The following PTPRR variants were observed in gnomAD, a reference collection of about 807,000 sequenced individuals.
PTPRR encodes the protein receptor-type tyrosine-protein phosphatase R.
Under a neutral mutation model 77.2 loss-of-function variants are expected in PTPRR, and 38 were observed. The observed-to-expected ratio is 0.49, with a 90% CI of 0.38 to 0.65. The LOEUF is 0.65. PTPRR is among the 30% of genes least tolerant of loss of function. The pLI is 0.00. For missense variants in PTPRR, 744 were observed against 799.2 expected (o/e 0.93, Z 0.83); for synonymous variants, 299 against 283.1 (o/e 1.06, Z -0.57).
At chr12:70,672,691 C>T (rs1490429570) in intron 10 of PTPRR, 21 of 1,544,776 alleles carry the variant, frequency 1.4e-5, no homozygotes, top group Non-Finnish European at 1.2e-5. Flanking sequence ...GACAGAGGAG[C>T]GGATAGCGTG....
intron 1 of PTPRR, among the ~76,000 whole-genome samples, chr12:70,897,026 A>C (rs1243644629): frequency 6.6e-6 from 1 of 151,876 alleles, no homozygotes; most frequent in Non-Finnish European, 1.5e-5. Flanking sequence ...CTTGTAGTAT[A>C]GTTTGAAGTC....
chr12:70,653,408 T>C (rs75713458), intron 13 of PTPRR, among the ~76,000 whole-genome samples: 4,717 of 152,304 alleles, frequency 0.031, 98 homozygotes, highest in Non-Finnish European at 0.046. Flanking sequence ...ATCTTTTTTA[T>C]GTACCAAAAG....
intron 8 of PTPRR, among the ~76,000 whole-genome samples, chr12:70,696,477 AG>A (rs1210168540): frequency 4.6e-5 from 7 of 152,158 alleles, no homozygotes; most frequent in Non-Finnish European, 1.0e-4. Flanking sequence ...GGAATCACCT[AG>A]GTGTTTGCTA....
chr12:70,777,359 T>C (rs1314859346), intron 2 of PTPRR, among the ~76,000 whole-genome samples: 1 of 152,082 alleles, frequency 6.6e-6, no homozygotes, highest in Non-Finnish European at 1.5e-5. Flanking sequence ...GTTGTTATTC[T>C]ACATTTTTTC....
At position 70,834,028 on chromosome 12, in the gene PTPRR, C is replaced by T. The variant is rs1996090; in HGVS notation, c.357+58651G>A. On this transcript the variant is annotated intron_variant, in intron 2 of 13. Coordinates refer to ENST00000283228, the MANE Select transcript of PTPRR (RefSeq NM_002849.4). ...ACATTTGTAGGGAACAGGAACTTTG[C>T]GTTTTGCCATAGATAACAGCCTCCT... Among the ~76,000 whole-genome samples the T allele has an allele frequency of 2.6e-5, 4 of 152,172 alleles. No individual in the cohort carries two copies. In the East Asian group the frequency reaches 5.8e-4, roughly 22 times the overall value.
At chr12:70,842,116 G>A (rs994408163) in intron 2 of PTPRR, among the ~76,000 whole-genome samples, 2 of 152,100 alleles carry the variant, frequency 1.3e-5, no homozygotes, top group East Asian at 1.9e-4. Flanking sequence ...ATGTACGTAT[G>A]CCCAACTGCT....
chr12:70,768,082 C>A (rs1215352603), intron 2 of PTPRR, among the ~76,000 whole-genome samples: 3 of 152,018 alleles, frequency 2.0e-5, no homozygotes, highest in Non-Finnish European at 4.4e-5. Flanking sequence ...AAAACTGACA[C>A]CCTAACATCA....
At chr12:70,650,656 A>G (rs995539419) in intron 13 of PTPRR, among the ~76,000 whole-genome samples, 2 of 152,186 alleles carry the variant, frequency 1.3e-5, no homozygotes, top group Non-Finnish European at 2.9e-5. Flanking sequence ...ATTCATGCTC[A>G]GTAGCAGATG....
At chr12:70,684,531 T>C (rs371805377) in intron 9 of PTPRR, among the ~76,000 whole-genome samples, 173 bp downstream of exon 9, 10 of 152,056 alleles carry the variant, frequency 6.6e-5, no homozygotes, top group Non-Finnish European at 4.4e-5. Context: ...AGGAAAGTCA[T>C]CATAAAAGAC....
chr12:70,894,462 ATTATT>A (rs1410982201), intron 1 of PTPRR, among the ~76,000 whole-genome samples: 4 of 151,716 alleles, frequency 2.6e-5, no homozygotes, highest in Non-Finnish European at 5.9e-5. Flanking sequence ...AAAGTAGTAT[ATTATT>A]TTATTTCTTA....
intron 2 of PTPRR, among the ~76,000 whole-genome samples, chr12:70,799,854 C>G (rs748961522): frequency 7.2e-5 from 11 of 152,200 alleles, no homozygotes; most frequent in Non-Finnish European, 1.3e-4. Flanking sequence ...GGGGCAGAAT[C>G]TCAGAGAGAG....
At chr12:70,886,684 A>G (rs2137110895) in intron 2 of PTPRR, among the ~76,000 whole-genome samples, 1 of 152,244 alleles carries the variant, frequency 6.6e-6, no homozygotes, top group East Asian at 1.9e-4. Context: ...ACGAGATCAT[A>G]TAATGGGTAA....
At position 70,739,366 on chromosome 12, in the gene PTPRR, CTTAA is replaced by C. The variant is rs201880225; in HGVS notation, c.1007+6448_1007+6451del. Among the ~76,000 whole-genome samples the C allele has an allele frequency of 1.1e-3, 172 of 152,290 alleles. 1 individual carries two copies. Among genetic ancestry groups the C allele is most frequent in the African/African-American group, 3.9e-3 (161 of 41,554 alleles). On this transcript the variant is annotated intron_variant, in intron 6 of 13. Transcript: ENST00000283228. Reference sequence around the variant, plus strand: ...ATTGGGAAAACTATACTACAGAGGACTTAATTAATCCGTTGAGCCACTTATTTAA... The same window carrying C: ...ATTGGGAAAACTATACTACAGAGGACTTAATCCGTTGAGCCACTTATTTAA...
intron 4 of PTPRR, among the ~76,000 whole-genome samples, chr12:70,759,363 A>G (rs916836729): frequency 6.6e-6 from 1 of 152,104 alleles, no homozygotes; most frequent in Non-Finnish European, 1.5e-5. Flanking sequence ...AGATGAGCCT[A>G]AAGACTAATA....
chr12:70,864,283 C>T, intron 2 of PTPRR, among the ~76,000 whole-genome samples: 1 of 152,132 alleles, frequency 6.6e-6, no homozygotes, highest in East Asian at 1.9e-4. Context: ...CTCTGAAATG[C>T]TAAGCTTATT....
chr12:70,917,443 A>C (rs916641446), intron 1 of PTPRR, among the ~76,000 whole-genome samples: 3 of 152,166 alleles, frequency 2.0e-5, no homozygotes, highest in African/African-American at 4.8e-5. Context: ...CTCACCTGTA[A>C]AATAAGCAGT....
chr12:70,684,843 G>T, intron 8 of PTPRR, 60 bp from the exon 9 acceptor site: 2 of 1,207,644 alleles, frequency 1.7e-6, no homozygotes, highest in Non-Finnish European at 1.2e-6. Flanking sequence ...AAGTTCCTTA[G>T]AATGCCAATA....
At chr12:70,690,734 C>T (rs753484218) in intron 8 of PTPRR, among the ~76,000 whole-genome samples, 2 of 152,168 alleles carry the variant, frequency 1.3e-5, no homozygotes, top group South Asian at 4.1e-4. Flanking sequence ...TGGTTAGATT[C>T]GTTTAGTGCT....
At chr12:70,691,963 C>T (rs993553067) in intron 8 of PTPRR, among the ~76,000 whole-genome samples, 1 of 152,138 alleles carries the variant, frequency 6.6e-6, no homozygotes, top group Non-Finnish European at 1.5e-5. Flanking sequence ...TTGCCCATAG[C>T]AGTATTTCCC....
Sources: gnomAD v4.1 joint callset for allele counts (sites outside exome capture counted in the v4.1 genomes callset) on GRCh38, gnomAD v4.1.1 for gene constraint, MANE v1.5 for transcripts, NCBI Gene and HGNC (gene_info 2026-07-23, HGNC 2026-07-21) for gene names.